DDX4: variants seen among roughly 807,000 people sequenced by gnomAD.
The protein encoded by DDX4 is probable ATP-dependent RNA helicase DDX4.
In DDX4, 25 loss-of-function variants were observed where a neutral mutation model predicts 100.0. The ratio of observed to expected loss-of-function variants is 0.25; its 90% CI spans 0.18 to 0.35. DDX4 has a LOEUF of 0.35. Ranked by LOEUF, DDX4 falls within the 10% of genes least tolerant of loss-of-function variation. DDX4 has a pLI of 1.00. For missense variants in DDX4, 635 were observed against 882.4 expected (o/e 0.72, Z 3.55); for synonymous variants, 259 against 275.7 (o/e 0.94, Z 0.60).
At chr5:55,742,214 T>C (rs866589878) in intron 2 of DDX4, 40 of 456,198 alleles carry the variant, frequency 8.8e-5, no homozygotes, top group African/African-American at 7.8e-4. Context: ...GCACGTTGCC[T>C]GCAGGCTTAT....
At chr5:55,799,351 C>T (rs1484708972) in intron 18 of DDX4, among the ~76,000 whole-genome samples, 1 of 152,098 alleles carries the variant, frequency 6.6e-6, no homozygotes, top group Admixed American at 6.6e-5. Context: ...CCATGAGCCA[C>T]TGTACTCACC....
At chr5:55,745,848 T>C (rs1224538549) in intron 2 of DDX4, among the ~76,000 whole-genome samples, 2 of 152,246 alleles carry the variant, frequency 1.3e-5, no homozygotes, top group African/African-American at 4.8e-5. Flanking sequence ...GCCTTACCTG[T>C]CTGTCACAAC....
intron 17 of DDX4, 32 bp from the exon 18 acceptor site, chr5:55,798,394 A>G (rs1416447348): frequency 6.2e-7 from 1 of 1,604,548 alleles, no homozygotes; most frequent in South Asian, 1.1e-5. Context: ...GGAGAGGAGG[A>G]TAAGTTAAAG....
intron 3 of DDX4, among the ~76,000 whole-genome samples, chr5:55,753,723 C>G (rs1352429729): frequency 7.5e-6 from 1 of 134,112 alleles, no homozygotes; most frequent in Non-Finnish European, 1.6e-5. Context: ...TCATTGGTAG[C>G]TTGATGGGGA....
intron 18 of DDX4, among the ~76,000 whole-genome samples, chr5:55,808,387 G>T (rs903499703): frequency 2.6e-5 from 4 of 152,166 alleles, no homozygotes; most frequent in Non-Finnish European, 5.9e-5. Flanking sequence ...GACGAGGAGT[G>T]GCACTCTGAT....
chr5:55,808,926 G>GAGGC lies in DDX4; in HGVS notation c.1616-4738_1616-4735dup, dbSNP rs552994876. On this transcript the variant is annotated intron_variant, in intron 18 of 21. Coordinates refer to ENST00000505374, the MANE Select transcript of DDX4 (RefSeq NM_024415.3). ...CCTGCCCCCAGAGGTGGAGTCTACA[G>GAGGC]AGGCAGGCAGGCCTCCCTGAGATGC... Among the ~76,000 whole-genome samples, 11 of 152,376 alleles carry GAGGC rather than the reference G, an allele frequency of 7.2e-5. No homozygotes were observed. In the South Asian group the frequency reaches 2.3e-3, roughly 32 times the overall value.
intron 7 of DDX4, among the ~76,000 whole-genome samples, chr5:55,774,840 A>G (rs1262469591): frequency 6.6e-6 from 1 of 152,148 alleles, no homozygotes; most frequent in Non-Finnish European, 1.5e-5. Flanking sequence ...GGATTTATAG[A>G]TTAATAGTTT....
chr5:55,785,270 A>G (rs757290460), intron 10 of DDX4, 27 bp from the exon 11 acceptor site: 2 of 1,522,888 alleles, frequency 1.3e-6, no homozygotes, highest in East Asian at 2.3e-5. Context: ...ATCTTGACCG[A>G]TTGTCACTTA....
At chr5:55,807,446 T>C (rs920702210) in intron 18 of DDX4, among the ~76,000 whole-genome samples, 3 of 152,234 alleles carry the variant, frequency 2.0e-5, no homozygotes, top group African/African-American at 7.2e-5. Flanking sequence ...GGCATGTTTT[T>C]GCAGTGGCTG....
At chr5:55,793,349 C>G (rs1561508034) in intron 17 of DDX4, among the ~76,000 whole-genome samples, 1 of 143,106 alleles carries the variant, frequency 7.0e-6, no homozygotes, top group African/African-American at 2.8e-5. Flanking sequence ...GCCCAGGCAA[C>G]AGCAGAAGCT....
chr5:55,747,601 C>A (rs1482106168), intron 3 of DDX4, among the ~76,000 whole-genome samples: 1 of 152,140 alleles, frequency 6.6e-6, no homozygotes, highest in East Asian at 1.9e-4. Context: ...TAAGATTTAC[C>A]ATTTTAATGT....
At chr5:55,807,588 G>A (rs536168501) in intron 18 of DDX4, among the ~76,000 whole-genome samples, 43 of 152,132 alleles carry the variant, frequency 2.8e-4, no homozygotes, top group Non-Finnish European at 5.9e-4. Context: ...TTGAAGCTTA[G>A]TTTGGCTGGA....
Position 55,790,804 on chromosome 5 carries a change from A to G in DDX4, c.1302+99A>G. On this transcript the variant is annotated intron_variant, in intron 16 of 21. Transcript: ENST00000505374. ...TAAAGACAGATGTATTTAGTAGAGCACTATTTATGTGTTAGCCTCCATCAC... is the reference window on the plus strand; with the variant it reads ...TAAAGACAGATGTATTTAGTAGAGCGCTATTTATGTGTTAGCCTCCATCAC... 3 of 1,027,794 alleles carry G rather than the reference A, an allele frequency of 2.9e-6. 1 individual carries two copies. In the Admixed American group the frequency reaches 6.2e-5, roughly 21 times the overall value. 63.7% of individuals were successfully genotyped at this position (1,027,794 alleles called of 1,614,324 possible).
In DDX4 at chr5:55,801,920, C is replaced by T. The variant is rs1160061011; in HGVS notation, c.1615+3349C>T. On this transcript the variant is annotated intron_variant, in intron 18 of 21. Coordinates refer to ENST00000505374, the MANE Select transcript of DDX4 (RefSeq NM_024415.3). ...GTGAATCTCACTCTACGAAAGGTCC[C>T]CCATATTTCCTGTGGTTCCTGTCCT... 4.6e-5 allele frequency among the ~76,000 whole-genome samples: 7 copies of T among 152,112 alleles called. No individual in the cohort carries two copies. In the East Asian group the frequency reaches 1.3e-3, roughly 29 times the overall value.
chr5:55,746,153 C>A lies in DDX4; in HGVS notation c.70-11C>A, dbSNP rs750761578. On this transcript the variant is annotated splice_polypyrimidine_tract_variant and intron_variant, in intron 2 of 21. Transcript: ENST00000505374. ...GTAGGAAACTAGTTTTTTCTTTCTTCTTTCTCACAGGATAGGTATTCTGGA... is the reference window on the plus strand; with the variant it reads ...GTAGGAAACTAGTTTTTTCTTTCTTATTTCTCACAGGATAGGTATTCTGGA... 2.5e-6 allele frequency: 4 copies of A among 1,590,746 alleles called. No homozygotes were observed. In the South Asian group the frequency reaches 3.5e-5, roughly 14 times the overall value.
In DDX4 at chr5:55,752,280, C is replaced by T. The variant is rs867692675; in HGVS notation, c.127+6059C>T. On this transcript the variant is annotated intron_variant, in intron 3 of 21. Transcript: ENST00000505374. ...CATGTGCCATGCTGGTGCGCTGCAC[C>T]CACTAACTCGTCATCTAGCATTAGG... is the stretch of plus-strand genomic sequence containing the variant. Among the ~76,000 whole-genome samples, 126 of 148,144 alleles carry T rather than the reference C, an allele frequency of 8.5e-4. No homozygotes were observed. In the Middle Eastern group the frequency reaches 0.01, roughly 12 times the overall value.
chr5:55,796,823 CTTTTTTTTTT>C (rs3990072), intron 17 of DDX4, among the ~76,000 whole-genome samples: 55 of 59,940 alleles, frequency 9.2e-4, no homozygotes, highest in Non-Finnish European at 1.5e-3. Context: ...TTCTTTCTTT[CTTTTTTTTTT>C]TTTTTTTTTT....
At chr5:55,779,401 T>A (rs1397098357) in intron 7 of DDX4, among the ~76,000 whole-genome samples, 1 of 152,240 alleles carries the variant, frequency 6.6e-6, no homozygotes, top group African/African-American at 2.4e-5. Context: ...CCTGCCCAGT[T>A]GGCACTTTGG....
At chr5:55,739,241 A>G (rs1043494033) in intron 2 of DDX4, among the ~76,000 whole-genome samples, 4 of 152,234 alleles carry the variant, frequency 2.6e-5, no homozygotes, top group African/African-American at 7.2e-5. Context: ...GCTAAAATAG[A>G]TGTAAAAATA....
Sources: gnomAD v4.1 joint callset for allele counts (sites outside exome capture counted in the v4.1 genomes callset) on GRCh38, gnomAD v4.1.1 for gene constraint, MANE v1.5 for transcripts, NCBI Gene and HGNC (gene_info 2026-07-23, HGNC 2026-07-21) for gene names.